Variants in RGS9 observed in about 807,000 individuals in gnomAD.
The protein encoded by RGS9 is regulator of G protein signaling 9, also known as regulator of G-protein signalling 9.
A neutral mutation model predicts 102.0 loss-of-function variants in RGS9; 78 were observed. That is an observed-to-expected ratio of 0.76 (90% CI 0.64 to 0.92). The LOEUF (loss-of-function observed/expected upper bound fraction) is 0.92. Among genes scored for constraint, RGS9 ranks in the 40% least tolerant of loss-of-function variants. RGS9 has a pLI of 0.00. For synonymous variants in RGS9, 353 were observed against 318.6 expected (o/e 1.11, Z -1.15); for missense variants, 833 against 866.1 (o/e 0.96, Z 0.48).
In RGS9 at chr17:65,183,107, T is replaced by TCTAC. The variant is rs764599024; in HGVS notation, c.654+5317_654+5320dup. On this transcript the variant is annotated intron_variant, in intron 9 of 18. Transcript: ENST00000262406. ...ATCTATCTATCTATCTATCTATCTA[T>TCTAC]CTACCTACCTACCTACATACCTATC... 5.0e-5 allele frequency among the ~76,000 whole-genome samples: 6 copies of TCTAC among 120,346 alleles called. No homozygotes were observed. In the East Asian group the frequency reaches 1.3e-3, roughly 26 times the overall value. 79.0% of individuals were successfully genotyped at this position (120,346 alleles called of 152,430 possible).
chr17:65,201,772 A>G (rs1457775012), intron 13 of RGS9, among the ~76,000 whole-genome samples: 1 of 152,128 alleles, frequency 6.6e-6, no homozygotes, highest in Non-Finnish European at 1.5e-5. Flanking sequence ...TAAGTTCCCA[A>G]TGTTCTTCCA....
At chr17:65,194,169 G>A (rs747545995) in intron 12 of RGS9, among the ~76,000 whole-genome samples, 36 of 152,196 alleles carry the variant, frequency 2.4e-4, no homozygotes, top group Admixed American at 6.5e-5. Flanking sequence ...CTTTTGCGAC[G>A]AGCTTTTTTC....
intron 1 of RGS9, among the ~76,000 whole-genome samples, chr17:65,145,861 G>A (rs936033073): frequency 1.9e-4 from 28 of 144,470 alleles, no homozygotes; most frequent in Non-Finnish European, 3.0e-4. Context: ...GAATTTGTAC[G>A]GGGAAAGGTC....
rs1911826604 is a variant in RGS9 at position 65,180,331 on chromosome 17, CCTT to C, written c.654+2532_654+2534del. Among the ~76,000 whole-genome samples the C allele has an allele frequency of 2.0e-5, 3 of 152,100 alleles. No individual in the cohort carries two copies. In the South Asian group the frequency reaches 6.2e-4, roughly 32 times the overall value. On this transcript the variant is annotated intron_variant, in intron 9 of 18. Transcript: ENST00000262406. ...GAGGTCATTTTGAGAAGGAATCGAT[CCTT>C]CTTTCTTTTTTTCTTTTCTATTCTT...
chr17:65,170,237 T>C (rs1051078976), intron 8 of RGS9, among the ~76,000 whole-genome samples: 1 of 151,896 alleles, frequency 6.6e-6, no homozygotes, highest in African/African-American at 2.4e-5. Context: ...GCATTTTTAG[T>C]AGAGATGGGG....
At chr17:65,183,534 C>T (rs1162676403) in intron 9 of RGS9, among the ~76,000 whole-genome samples, 1 of 152,118 alleles carries the variant, frequency 6.6e-6, no homozygotes, top group South Asian at 2.1e-4. Flanking sequence ...TGGGCTCAAG[C>T]GATCCACCTG....
chr17:65,197,962 C>A (rs370821383), intron 13 of RGS9, among the ~76,000 whole-genome samples: 1 of 152,192 alleles, frequency 6.6e-6, no homozygotes. Context: ...TGAGCCACTG[C>A]GCCTGGCTTC....
chr17:65,199,362 G>A (rs1334232946), intron 13 of RGS9, among the ~76,000 whole-genome samples: 2 of 151,818 alleles, frequency 1.3e-5, no homozygotes, highest in South Asian at 2.1e-4. Flanking sequence ...CTACCCCTAC[G>A]GATTCACCTC....
intron 1 of RGS9, among the ~76,000 whole-genome samples, chr17:65,143,276 C>T (rs946122572): frequency 3.9e-5 from 6 of 152,130 alleles, no homozygotes; most frequent in African/African-American, 9.7e-5. Context: ...CAGCTCCAAG[C>T]GTTGATGGGG....
intron 2 of RGS9, among the ~76,000 whole-genome samples, chr17:65,157,073 T>C (rs1331637539): frequency 6.6e-6 from 1 of 152,026 alleles, no homozygotes; most frequent in African/African-American, 2.4e-5. Context: ...TAAGAAGAAA[T>C]GTCCCTGCAC....
intron 2 of RGS9, among the ~76,000 whole-genome samples, chr17:65,154,572 C>T (rs993349896): frequency 1.0e-4 from 15 of 150,594 alleles, no homozygotes; most frequent in Non-Finnish European, 2.1e-4. Flanking sequence ...TTTGCTCCAC[C>T]GTTTACCTTC....
At chr17:65,172,442 T>G (rs1224257117) in intron 8 of RGS9, among the ~76,000 whole-genome samples, 1 of 152,058 alleles carries the variant, frequency 6.6e-6, no homozygotes, top group African/African-American at 2.4e-5. Context: ...TGACTCTACC[T>G]TGGCCTCCCA....
intron 13 of RGS9, among the ~76,000 whole-genome samples, chr17:65,198,194 T>A (rs1426642508): frequency 6.6e-6 from 1 of 152,110 alleles, no homozygotes; most frequent in Non-Finnish European, 1.5e-5. Flanking sequence ...GTGTGGATTT[T>A]AGTGAAATGG....
At chr17:65,195,960 C>T (rs575389235) in intron 12 of RGS9, among the ~76,000 whole-genome samples, 1 of 152,368 alleles carries the variant, frequency 6.6e-6, no homozygotes, top group East Asian at 1.9e-4. Context: ...ATCAGAAACT[C>T]TGAGGTTGGG....
At chr17:65,170,120 T>A (rs1210767447) in intron 8 of RGS9, among the ~76,000 whole-genome samples, 1 of 150,374 alleles carries the variant, frequency 6.7e-6, no homozygotes, top group Non-Finnish European at 1.5e-5. Context: ...AATGGCACGA[T>A]TTCGGCTCAC....
In RGS9 at chr17:65,194,228, A is replaced by T. The variant is rs1038257308; in HGVS notation, c.860+572A>T. ...TTACGAATCTTGTAGCATGGATCAG[A>T]ACTTCATTCCCATTTATGGTTGAAT... is the stretch of plus-strand genomic sequence containing the variant. On this transcript the variant is annotated intron_variant, in intron 12 of 18. Transcript: ENST00000262406. Among the ~76,000 whole-genome samples, 10 of 152,222 alleles carry T rather than the reference A, an allele frequency of 6.6e-5. No individual in the cohort carries two copies. The South Asian group carries it at 8.3e-4, about 13-fold the overall frequency.
At chr17:65,168,636 G>A (rs1296612156) in intron 8 of RGS9, among the ~76,000 whole-genome samples, 1 of 150,268 alleles carries the variant, frequency 6.7e-6, no homozygotes, top group South Asian at 2.1e-4. Context: ...CAATGGAGGC[G>A]CCAATGCAGA....
rs866851378 is a variant in RGS9 at position 65,163,070 on chromosome 17, C to T, written c.481C>T (p.Gln161Ter). Residue 161 changes from glutamine to a stop codon, truncating the protein, a stop_gained, in exon 7 of 19, where the codon CAG becomes TAG. Transcript: ENST00000262406. LOFTEE classifies it high-confidence loss of function. Reference sequence around the variant, plus strand: ...CTATAAGTGGGACTTTGTCATTATGCAGGCCAAAGAGCAGTACAGGTGAGT... The same window carrying T: ...CTATAAGTGGGACTTTGTCATTATGTAGGCCAAAGAGCAGTACAGGTGAGT... Reference protein sequence around the residue: ...MNYKWDFVIMQAKEQYRAGKE... With the variant: ...MNYKWDFVIM 6.2e-7 allele frequency: 1 copy of T among 1,601,382 alleles called. No individual in the cohort carries two copies. Among genetic ancestry groups the T allele is most frequent in the Non-Finnish European group, 8.5e-7 (1 of 1,169,622 alleles).
At chr17:65,200,310 G>A (rs1293255175) in intron 13 of RGS9, among the ~76,000 whole-genome samples, 6 of 152,186 alleles carry the variant, frequency 3.9e-5, no homozygotes, top group East Asian at 3.8e-4. Context: ...GATTACAGGC[G>A]TGAGCCACCC....
Sources: allele counts gnomAD v4.1 joint callset (sites outside exome capture counted in the v4.1 genomes callset), GRCh38; gene constraint gnomAD v4.1.1; transcripts MANE v1.5; gene names NCBI Gene and HGNC (gene_info 2026-07-23, HGNC 2026-07-21).